RUNDC3B: variants seen among roughly 807,000 people sequenced by gnomAD.
RUNDC3B encodes RUN domain containing 3B, also known as RUN domain-containing protein 3B.
Under a neutral mutation model 58.4 loss-of-function variants are expected in RUNDC3B, and 33 were observed. The ratio of observed to expected loss-of-function variants is 0.56; its 90% confidence interval spans 0.43 to 0.75. The LOEUF (loss-of-function observed/expected upper bound fraction) is 0.75. Ranked by LOEUF, RUNDC3B falls within the 30% of genes least tolerant of loss-of-function variation. The pLI is 0.00. For synonymous variants in RUNDC3B, 193 were observed against 195.2 expected (o/e 0.99, Z 0.10); for missense variants, 501 against 535.7 (o/e 0.94, Z 0.64).
chr7:87,682,431 G>A (rs1223190066), intron 2 of RUNDC3B, among the ~76,000 whole-genome samples: 2 of 152,138 alleles, frequency 1.3e-5, no homozygotes, highest in South Asian at 2.1e-4. Flanking sequence ...TGTCTATGGA[G>A]GCTAGAGCCT....
At chr7:87,719,739 T>C (rs1385529970) in intron 4 of RUNDC3B, among the ~76,000 whole-genome samples, 1 of 151,800 alleles carries the variant, frequency 6.6e-6, no homozygotes, top group African/African-American at 2.4e-5. Context: ...AGATTTGTAA[T>C]GCATAGCTCT....
At chr7:87,640,683 T>A (rs1431010717) in intron 1 of RUNDC3B, among the ~76,000 whole-genome samples, 1 of 152,292 alleles carries the variant, frequency 6.6e-6, no homozygotes, top group Non-Finnish European at 1.5e-5. Flanking sequence ...TATGTTAAAC[T>A]TTACCAGGCC....
chr7:87,823,457 G>T (rs1837611486), intron 10 of RUNDC3B, among the ~76,000 whole-genome samples: 2 of 150,848 alleles, frequency 1.3e-5, no homozygotes, highest in African/African-American at 4.9e-5. Flanking sequence ...GGAAATAGGG[G>T]ATGTTTGGTT....
intron 6 of RUNDC3B, among the ~76,000 whole-genome samples, chr7:87,757,048 T>C (rs1833413539): frequency 6.6e-6 from 1 of 152,220 alleles, no homozygotes; most frequent in Admixed American, 6.5e-5. Flanking sequence ...CATAAAAAAT[T>C]TATGAAGTGT....
intron 2 of RUNDC3B, among the ~76,000 whole-genome samples, chr7:87,695,764 A>G (rs753949864): frequency 3.3e-5 from 5 of 152,198 alleles, no homozygotes; most frequent in African/African-American, 4.8e-5. Flanking sequence ...GTAGAGAACC[A>G]CTTTAGAAAA....
intron 6 of RUNDC3B, among the ~76,000 whole-genome samples, chr7:87,762,533 G>T (rs1374531625): frequency 2.0e-5 from 3 of 151,312 alleles, no homozygotes; most frequent in African/African-American, 7.3e-5. Flanking sequence ...AGAATTTGGG[G>T]ATAATTTTCT....
intron 6 of RUNDC3B, among the ~76,000 whole-genome samples, chr7:87,744,960 A>G (rs1832559739): frequency 6.6e-6 from 1 of 152,146 alleles, no homozygotes; most frequent in Non-Finnish European, 1.5e-5. Context: ...TTTGTCATAG[A>G]TGGCTTTTAT....
intron 6 of RUNDC3B, among the ~76,000 whole-genome samples, chr7:87,763,892 G>A (rs1050300079): frequency 2.0e-5 from 3 of 151,696 alleles, no homozygotes; most frequent in Non-Finnish European, 4.4e-5. Context: ...TGCAACATGC[G>A]TAGATGCCAT....
At chr7:87,747,299 T>G (rs1832700046) in intron 6 of RUNDC3B, among the ~76,000 whole-genome samples, 4 of 151,138 alleles carry the variant, frequency 2.6e-5, no homozygotes, top group South Asian at 2.1e-4. Flanking sequence ...ACTGGGGGGG[T>G]GTGTGCACAG....
chr7:87,642,223 G>C (rs1171130619), intron 1 of RUNDC3B, among the ~76,000 whole-genome samples: 1 of 151,996 alleles, frequency 6.6e-6, no homozygotes, highest in Non-Finnish European at 1.5e-5. Flanking sequence ...TTGATTGTCT[G>C]TGATACAAGT....
intron 10 of RUNDC3B, among the ~76,000 whole-genome samples, chr7:87,829,384 T>C (rs1838011648): frequency 2.6e-5 from 4 of 152,046 alleles, no homozygotes. Context: ...CATAAATTCT[T>C]TTCCTTATGT....
chr7:87,759,868 T>C (rs1179003371), intron 6 of RUNDC3B, among the ~76,000 whole-genome samples: 5 of 152,020 alleles, frequency 3.3e-5, no homozygotes, highest in Non-Finnish European at 7.4e-5. Context: ...TAAATGCCTG[T>C]ATCAAAACAT....
In RUNDC3B at chr7:87,832,203, G is replaced by T. The variant is rs1280849400; in HGVS notation, c.*2173G>T. On this transcript the variant is annotated 3_prime_UTR_variant, in exon 11 of 11. Transcript: ENST00000394654. Reference sequence around the variant, plus strand: ...TTCACCCTCCCTCTTGCCTCCAAAAGAATGCTGAATTATACGCCAATATTT... The same window carrying T: ...TTCACCCTCCCTCTTGCCTCCAAAATAATGCTGAATTATACGCCAATATTT... 3.3e-5 allele frequency: 5 copies of T among 151,938 alleles called. No homozygotes were observed. The highest frequency in any genetic ancestry group is 2.6e-4 in the Admixed American group (4 of 15,210). The allele number at this position is 151,938 out of a possible 1,614,324, so 9.4% of individuals were successfully genotyped here.
intron 2 of RUNDC3B, among the ~76,000 whole-genome samples, chr7:87,674,455 A>G (rs912963349): frequency 3.3e-5 from 5 of 152,074 alleles, no homozygotes; most frequent in Non-Finnish European, 5.9e-5. Context: ...ATGGCAGGGT[A>G]CACTCATGCT....
intron 6 of RUNDC3B, among the ~76,000 whole-genome samples, chr7:87,751,471 A>G (rs1832979612): frequency 6.6e-6 from 1 of 152,188 alleles, no homozygotes; most frequent in Non-Finnish European, 1.5e-5. Flanking sequence ...TACCTTGGGC[A>G]ATATGGCCAT....
In RUNDC3B at chr7:87,831,571, G is replaced by C. The variant is rs1476890755; in HGVS notation, c.*1541G>C. The C allele has an allele frequency of 6.6e-6, 1 of 151,888 alleles. No homozygotes were observed. Among genetic ancestry groups the C allele is most frequent in the African/African-American group, 2.4e-5 (1 of 41,396 alleles). 9.4% of individuals were successfully genotyped at this position (151,888 alleles called of 1,614,324 possible). The stretch of plus-strand genomic sequence containing the variant: ...TAAGCTTAAGGCTTCAATACTTGTA[G>C]AAATGCAAATATTCTTGAGAAATGA... On this transcript the variant is annotated 3_prime_UTR_variant, in exon 11 of 11. Coordinates refer to ENST00000394654, the MANE Select transcript of RUNDC3B (RefSeq NM_001134405.2).
intron 3 of RUNDC3B, 21 bp downstream of exon 3, chr7:87,700,575 T>C (rs1208039919): frequency 1.9e-6 from 3 of 1,588,456 alleles, no homozygotes; most frequent in Non-Finnish European, 2.6e-6. Context: ...GGTCAGAGAC[T>C]CGTTTCTATT....
chr7:87,805,360 G>A (rs1430674865), intron 8 of RUNDC3B, among the ~76,000 whole-genome samples: 2 of 152,150 alleles, frequency 1.3e-5, no homozygotes, highest in African/African-American at 2.4e-5. Context: ...TAGTGGCAGA[G>A]CAAGTGCCAG....
At chr7:87,641,297 A>G (rs1463914219) in intron 1 of RUNDC3B, among the ~76,000 whole-genome samples, 1 of 152,196 alleles carries the variant, frequency 6.6e-6, no homozygotes, top group African/African-American at 2.4e-5. Flanking sequence ...GTTTACTAGT[A>G]CCCATGGCCA....
Sources: gnomAD v4.1 joint callset for allele counts (sites outside exome capture counted in the v4.1 genomes callset) on GRCh38, gnomAD v4.1.1 for gene constraint, MANE v1.5 for transcripts, NCBI Gene and HGNC (gene_info 2026-07-23, HGNC 2026-07-21) for gene names.